Variants in ARHGAP10 observed in about 807,000 individuals in gnomAD.
ARHGAP10 encodes the protein Rho GTPase activating protein 10, also known as rho GTPase-activating protein 10.
Under a neutral mutation model 108.6 loss-of-function variants are expected in ARHGAP10, and 87 were observed. The observed-to-expected ratio is 0.80, with a 90% CI of 0.67 to 0.96. The LOEUF (loss-of-function observed/expected upper bound fraction) is 0.96. Among genes scored for constraint, ARHGAP10 ranks in the 40% least tolerant of loss-of-function variants. The pLI, the probability that ARHGAP10 is intolerant of heterozygous loss-of-function variation, is 0.00. For missense variants in ARHGAP10, 939 were observed against 954.5 expected (o/e 0.98, Z 0.21); for synonymous variants, 347 against 341.1 (o/e 1.02, Z -0.19).
intron 18 of ARHGAP10, among the ~76,000 whole-genome samples, chr4:147,982,049 T>C (rs991275778): frequency 1.4e-4 from 22 of 152,194 alleles, no homozygotes; most frequent in Non-Finnish European, 3.1e-4. Context: ...TTTAGTCTTT[T>C]TTCAAAAGAC....
At chr4:147,909,901 T>A in intron 12 of ARHGAP10, 124 bp downstream of exon 12, 1 of 896,570 alleles carries the variant, frequency 1.1e-6, no homozygotes, top group Non-Finnish European at 1.7e-6. Context: ...AGAGGGGTAT[T>A]ACACGTAATA....
chr4:147,912,212 T>C (rs1173244770), intron 12 of ARHGAP10, among the ~76,000 whole-genome samples: 2 of 152,040 alleles, frequency 1.3e-5, no homozygotes, highest in Admixed American at 6.6e-5. Flanking sequence ...TATTGGTAAA[T>C]AGAGATTCTG....
chr4:148,040,994 A>T (rs60984359), intron 19 of ARHGAP10, among the ~76,000 whole-genome samples: 20,565 of 152,138 alleles, frequency 0.14, 2,296 homozygotes, highest in African/African-American at 0.31. Flanking sequence ...ATTAGAAGTA[A>T]CTAAGTTTAT....
intron 7 of ARHGAP10, among the ~76,000 whole-genome samples, chr4:147,868,635 A>G (rs1332048586): frequency 2.6e-5 from 4 of 152,132 alleles, no homozygotes; most frequent in African/African-American, 9.7e-5. Context: ...CCTTTTTGGC[A>G]CCGGGGACTG....
intron 7 of ARHGAP10, among the ~76,000 whole-genome samples, chr4:147,868,145 A>G (rs1347614398): frequency 6.6e-6 from 1 of 152,190 alleles, no homozygotes; most frequent in Non-Finnish European, 1.5e-5. Flanking sequence ...GACAAAACTT[A>G]AAAATCCAAA....
chr4:147,836,485 T>C (rs1397954113), intron 3 of ARHGAP10, among the ~76,000 whole-genome samples: 2 of 152,206 alleles, frequency 1.3e-5, no homozygotes, highest in South Asian at 4.1e-4. Context: ...AAAATCATAG[T>C]TTCTAGCTTA....
At chr4:147,848,916 C>T (rs560378136) in intron 4 of ARHGAP10, among the ~76,000 whole-genome samples, 10 of 152,308 alleles carry the variant, frequency 6.6e-5, no homozygotes, top group African/African-American at 2.4e-4. Flanking sequence ...TTATTCTGTG[C>T]TTTGAGCTGT....
chr4:147,855,160 T>C (rs1734034138), intron 4 of ARHGAP10, among the ~76,000 whole-genome samples: 1 of 152,202 alleles, frequency 6.6e-6, no homozygotes, highest in Admixed American at 6.5e-5. Context: ...GGGCCTGACT[T>C]CCATTTGTCT....
At chr4:148,034,066 A>C (rs1728267129) in intron 19 of ARHGAP10, among the ~76,000 whole-genome samples, 1 of 152,170 alleles carries the variant, frequency 6.6e-6, no homozygotes, top group Non-Finnish European at 1.5e-5. Flanking sequence ...ACAAATTTGG[A>C]CAATAAAACT....
At chr4:148,013,634 G>C (rs1741245495) in intron 18 of ARHGAP10, among the ~76,000 whole-genome samples, 1 of 152,166 alleles carries the variant, frequency 6.6e-6, no homozygotes, top group Admixed American at 6.5e-5. Flanking sequence ...CTTGCAGTGA[G>C]CTGAGGTTGC....
intron 14 of ARHGAP10, among the ~76,000 whole-genome samples, chr4:147,945,269 A>G (rs570501202): frequency 1.5e-4 from 22 of 151,332 alleles, no homozygotes; most frequent in African/African-American, 3.9e-4. Context: ...CCATTCCACA[A>G]TTTACTAACT....
intron 18 of ARHGAP10, among the ~76,000 whole-genome samples, chr4:147,974,045 G>C (rs537856763): frequency 3.3e-5 from 5 of 152,104 alleles, no homozygotes; most frequent in African/African-American, 1.2e-4. Context: ...TTTCTTTTGG[G>C]TATACACCTA....
chr4:147,982,370 T>C (rs1230619283), intron 18 of ARHGAP10, among the ~76,000 whole-genome samples: 103 of 149,610 alleles, frequency 6.9e-4, no homozygotes, highest in South Asian at 3.4e-3. Flanking sequence ...TCTTTCTTTT[T>C]TTTTTTTTTT....
At chr4:147,865,572 A>T (rs1734521944) in intron 6 of ARHGAP10, 1 of 145,316 alleles carries the variant, frequency 6.9e-6, no homozygotes, top group Non-Finnish European at 1.5e-5. Flanking sequence ...TTTCATGTGG[A>T]TTTCAGCAAA....
At chr4:147,741,107 A>C (rs1728639353) in intron 1 of ARHGAP10, among the ~76,000 whole-genome samples, 1 of 152,140 alleles carries the variant, frequency 6.6e-6, no homozygotes, top group Non-Finnish European at 1.5e-5. Context: ...TTTTCCTACA[A>C]GTGACATTTA....
chr4:147,996,717 C>G (rs1045814445), intron 18 of ARHGAP10, among the ~76,000 whole-genome samples: 5 of 152,192 alleles, frequency 3.3e-5, no homozygotes, highest in African/African-American at 1.2e-4. Context: ...TGTTGAAGCC[C>G]TAACTTTAAC....
chr4:147,950,673 C>T (rs1177837448), intron 15 of ARHGAP10, among the ~76,000 whole-genome samples: 1 of 152,138 alleles, frequency 6.6e-6, no homozygotes, highest in Non-Finnish European at 1.5e-5. Context: ...CGATGTGTGG[C>T]ATCCCTCTTT....
chr4:148,016,976 T>A (rs1377451106), intron 18 of ARHGAP10, among the ~76,000 whole-genome samples: 2 of 140,048 alleles, frequency 1.4e-5, no homozygotes, highest in African/African-American at 5.4e-5. Context: ...TGAAACCTCA[T>A]CTCTATTAAA....
chr4:147,800,727 T>C (rs1731546414), intron 1 of ARHGAP10, among the ~76,000 whole-genome samples: 4 of 152,202 alleles, frequency 2.6e-5, no homozygotes, highest in Admixed American at 2.6e-4. Context: ...TCTCCTCTGC[T>C]ATTTCCAGGG....
Sources: gnomAD v4.1 joint callset for allele counts (sites outside exome capture counted in the v4.1 genomes callset) on GRCh38, gnomAD v4.1.1 for gene constraint, MANE v1.5 for transcripts, NCBI Gene and HGNC (gene_info 2026-07-23, HGNC 2026-07-21) for gene names.